The following MARCHF1 variants were observed in gnomAD, a reference collection of about 807,000 sequenced individuals.
The protein encoded by MARCHF1 is E3 ubiquitin-protein ligase MARCHF1.
MARCHF1 carries 40 observed loss-of-function variants against 54.2 expected under a neutral mutation model. The ratio of observed to expected loss-of-function variants is 0.74; its 90% CI spans 0.57 to 0.96. MARCHF1 has a LOEUF of 0.96. Ranked by LOEUF, MARCHF1 falls within the 40% of genes least tolerant of loss-of-function variation. MARCHF1 has a pLI of 0.00. For synonymous variants in MARCHF1, 236 were observed against 236.3 expected (o/e 1.00, Z 0.01); for missense variants, 586 against 656.5 (o/e 0.89, Z 1.17).
In MARCHF1 at chr4:163,719,864, T is replaced by C. The variant is rs1745388064; in HGVS notation, c.112-19001A>G. ...GTGTCTGTTCATATTCTTCGCCCGC[T>C]TGTTGATGGGGTTGTTTTTTTCTTG... On this transcript the variant is annotated intron_variant, in intron 4 of 9. Transcript: ENST00000514618. 2.0e-5 allele frequency among the ~76,000 whole-genome samples: 3 copies of C among 152,214 alleles called. No homozygotes were observed. The South Asian group carries it at 6.2e-4, about 32-fold the overall frequency.
intron 3 of MARCHF1, among the ~76,000 whole-genome samples, chr4:163,870,586 A>G (rs1750147949): frequency 6.6e-6 from 1 of 152,138 alleles, no homozygotes; most frequent in Admixed American, 6.6e-5. Context: ...AAGTGGGATG[A>G]ATTCAGGGAA....
chr4:163,814,674 G>C (rs1379417067), intron 4 of MARCHF1, among the ~76,000 whole-genome samples: 1 of 152,178 alleles, frequency 6.6e-6, no homozygotes, highest in Non-Finnish European at 1.5e-5. Flanking sequence ...AAATTGAGAT[G>C]GACTAAAAGG....
chr4:163,676,956 G>T (rs1430843791), intron 5 of MARCHF1, among the ~76,000 whole-genome samples: 1 of 151,902 alleles, frequency 6.6e-6, no homozygotes, highest in Non-Finnish European at 1.5e-5. Context: ...TTTTAAAATA[G>T]AAGAAAATAG....
At chr4:164,090,826 G>T (rs1188668109) in intron 2 of MARCHF1, among the ~76,000 whole-genome samples, 1 of 152,078 alleles carries the variant, frequency 6.6e-6, no homozygotes, top group African/African-American at 2.4e-5. Context: ...CTTAAGAAAA[G>T]CTGGTGGAGG....
rs1560789203 is a variant in MARCHF1, at chr4:163,854,310, AAAG to A, written c.-38-144_-38-142del. 5 of 588,032 alleles carry A rather than the reference AAAG, an allele frequency of 8.5e-6. No individual in the cohort carries two copies. The South Asian group carries it at 1.2e-4, about 14-fold the overall frequency. The allele number at this position is 588,032 out of a possible 1,614,324, so 36.4% of individuals were successfully genotyped here. On this transcript the variant is annotated intron_variant, in intron 3 of 9. Coordinates refer to ENST00000514618, the MANE Select transcript of MARCHF1 (RefSeq NM_001394959.1). ...AAAAAACCAGGGGTTACAAGGAGGA[AAAG>A]AAGAATATGCTGATTATTACTAATA...
intron 3 of MARCHF1, among the ~76,000 whole-genome samples, chr4:163,897,598 T>G (rs772390279): frequency 4.0e-5 from 6 of 151,884 alleles, no homozygotes; most frequent in Non-Finnish European, 8.8e-5. Context: ...TCAACAAAGT[T>G]GACAAAAATA....
At chr4:163,570,258 A>G (rs1172439839) in intron 8 of MARCHF1, among the ~76,000 whole-genome samples, 2 of 152,118 alleles carry the variant, frequency 1.3e-5, no homozygotes, top group Admixed American at 6.6e-5. Context: ...AGTGGATTCA[A>G]TGCTAAATAC....
At chr4:163,535,928 G>T (rs1163916539) in intron 9 of MARCHF1, among the ~76,000 whole-genome samples, 1 of 152,064 alleles carries the variant, frequency 6.6e-6, no homozygotes, top group African/African-American at 2.4e-5. Flanking sequence ...CTGGAGTGGG[G>T]TGCTTCTGAC....
chr4:163,555,251 G>A (rs1191660175), intron 8 of MARCHF1, among the ~76,000 whole-genome samples: 5 of 152,122 alleles, frequency 3.3e-5, no homozygotes, highest in African/African-American at 1.2e-4. Flanking sequence ...TGTGGCCTAG[G>A]AATCTGCATT....
At chr4:164,035,690 A>T (rs925580236) in intron 2 of MARCHF1, among the ~76,000 whole-genome samples, 37 of 151,724 alleles carry the variant, frequency 2.4e-4, no homozygotes, top group Non-Finnish European at 5.0e-4. Flanking sequence ...AAAAAAATAA[A>T]TGTTTTTAAT....
chr4:163,764,369 G>A (rs1180842376), intron 4 of MARCHF1, among the ~76,000 whole-genome samples: 1 of 152,096 alleles, frequency 6.6e-6, no homozygotes, highest in African/African-American at 2.4e-5. Context: ...GAAGCTTGTT[G>A]AAGTATTTTC....
At chr4:164,125,720 C>G (rs1756165717) in intron 1 of MARCHF1, among the ~76,000 whole-genome samples, 1 of 152,182 alleles carries the variant, frequency 6.6e-6, no homozygotes, top group Non-Finnish European at 1.5e-5. Context: ...CTGAGCTGCA[C>G]AGCAGGAAGT....
intron 1 of MARCHF1, among the ~76,000 whole-genome samples, chr4:164,165,730 G>A (rs899957208): frequency 8.6e-5 from 13 of 151,960 alleles, no homozygotes; most frequent in Non-Finnish European, 1.5e-4. Context: ...ACTGGGGTGG[G>A]CATTGAGAGG....
At chr4:164,112,300 A>G (rs1346978133) in intron 1 of MARCHF1, among the ~76,000 whole-genome samples, 1 of 151,890 alleles carries the variant, frequency 6.6e-6, no homozygotes, top group East Asian at 1.9e-4. Context: ...TTGTTTTAGG[A>G]TCCACTCAAT....
intron 1 of MARCHF1, among the ~76,000 whole-genome samples, chr4:164,166,715 T>C (rs1472049147): frequency 2.0e-5 from 3 of 151,752 alleles, no homozygotes; most frequent in Admixed American, 6.6e-5. Flanking sequence ...ATTATTTCTA[T>C]TTACAGATGA....
chr4:164,176,260 C>T (rs1730660193), intron 1 of MARCHF1, among the ~76,000 whole-genome samples: 1 of 152,138 alleles, frequency 6.6e-6, no homozygotes. Context: ...CAGATGTAAT[C>T]ATTTTATACT....
intron 7 of MARCHF1, among the ~76,000 whole-genome samples, chr4:163,592,972 C>A (rs980782099): frequency 6.6e-6 from 1 of 152,082 alleles, no homozygotes; most frequent in African/African-American, 2.4e-5. Context: ...TCCTCCAAAT[C>A]AGGAGAAATC....
intron 4 of MARCHF1, among the ~76,000 whole-genome samples, chr4:163,748,617 T>C (rs1310396951): frequency 6.6e-6 from 1 of 152,090 alleles, no homozygotes; most frequent in African/African-American, 2.4e-5. Flanking sequence ...CATTTATGTA[T>C]GGAAAGAACA....
Position 164,070,496 on chromosome 4 carries a change from T to G in MARCHF1, c.-248+41092A>C, listed in dbSNP as rs192809818. Among the ~76,000 whole-genome samples, 162 of 152,306 alleles carry G rather than the reference T, an allele frequency of 1.1e-3. 3 individuals carry two copies. The highest frequency in any genetic ancestry group is 1.0e-3 in the Non-Finnish European group (68 of 68,020). On this transcript the variant is annotated intron_variant, in intron 2 of 9. Coordinates refer to ENST00000514618, the MANE Select transcript of MARCHF1 (RefSeq NM_001394959.1). ...TGGGGATGTGGGAAAAGATTCAATG[T>G]GCATTTTTTGTAGAGTGACTACATA...
Sources: gnomAD v4.1 joint callset for allele counts (sites outside exome capture counted in the v4.1 genomes callset) on GRCh38, gnomAD v4.1.1 for gene constraint, MANE v1.5 for transcripts, NCBI Gene and HGNC (gene_info 2026-07-23, HGNC 2026-07-21) for gene names.